Variants in PYROXD2 observed in about 807,000 individuals in gnomAD.
The protein encoded by PYROXD2 is pyridine nucleotide-disulfide oxidoreductase domain-containing protein 2.
Under a neutral mutation model 71.1 loss-of-function variants are expected in PYROXD2, and 69 were observed. The observed-to-expected ratio is 0.97, with a 90% CI of 0.80 to 1.19. PYROXD2 has a LOEUF of 1.19. Among genes scored for constraint, PYROXD2 ranks in the 50% most tolerant of loss-of-function variants. The pLI, the probability that PYROXD2 is intolerant of heterozygous loss-of-function variation, is 0.00. For missense variants in PYROXD2, 745 were observed against 748.9 expected (o/e 0.99, Z 0.06); for synonymous variants, 287 against 302.7 (o/e 0.95, Z 0.54).
Position 98,400,247 on chromosome 10 carries a change from A to G in PYROXD2, c.326T>C (p.Leu109Pro). The stretch of plus-strand genomic sequence containing the variant: ...GTAGGGGTTTCGAAGATGAAGCCTC[A>G]GCCCATGTTTCTGCAAAACACAAAT... The part of the protein sequence containing the change: ...YTDLELKKHG[L>P]RLHLRNPYSF... Residue 109 changes from leucine (L) to proline (P), a missense_variant, in exon 5 of 16, where the codon CTG (leucine) becomes CCG (proline). Coordinates refer to ENST00000370575, the MANE Select transcript of PYROXD2 (RefSeq NM_032709.3). The G allele has an allele frequency of 6.2e-7, 1 of 1,609,728 alleles. No homozygotes were observed. Among genetic ancestry groups the G allele is most frequent in the Non-Finnish European group, 8.5e-7 (1 of 1,177,292 alleles).
At chr10:98,407,175 A>G (rs993379338) in intron 4 of PYROXD2, among the ~76,000 whole-genome samples, 20 of 152,188 alleles carry the variant, frequency 1.3e-4, no homozygotes, top group Admixed American at 8.5e-4. Flanking sequence ...GGGAGCCAGA[A>G]AAGTCCCCAG....
chr10:98,385,525 C>G (rs558663764), intron 14 of PYROXD2, among the ~76,000 whole-genome samples: 1 of 152,336 alleles, frequency 6.6e-6, no homozygotes, highest in African/African-American at 2.4e-5. Flanking sequence ...CACGGTTCTG[C>G]CCCCCTGGCT....
intron 2 of PYROXD2, 140 bp from the exon 3 acceptor site, chr10:98,408,137 T>C: frequency 1.4e-6 from 1 of 690,740 alleles, no homozygotes. Flanking sequence ...CCGCTCATGC[T>C]GTTCCTGCCT....
intron 4 of PYROXD2, among the ~76,000 whole-genome samples, chr10:98,401,273 A>AAAAAC (rs149519972): frequency 0.21 from 24,524 of 117,238 alleles, 3,047 homozygotes; most frequent in South Asian, 0.3. Context: ...AAAACAAAAA[A>AAAAAC]AAACAAACAT....
chr10:98,414,863 G>A, intron 1 of PYROXD2, 146 bp downstream of exon 1: 3 of 1,242,114 alleles, frequency 2.4e-6, no homozygotes, highest in Non-Finnish European at 3.3e-6. Context: ...TTCCATTGCA[G>A]CCCCTGCTAG....
intron 4 of PYROXD2, among the ~76,000 whole-genome samples, chr10:98,403,561 A>G (rs1171146200): frequency 2.0e-5 from 3 of 151,958 alleles, no homozygotes; most frequent in Non-Finnish European, 4.4e-5. Context: ...CTCTGTCCAC[A>G]CTGACCTGCC....
At chr10:98,413,112 T>C (rs1337593791) in intron 1 of PYROXD2, among the ~76,000 whole-genome samples, 1 of 152,256 alleles carries the variant, frequency 6.6e-6, no homozygotes, top group Non-Finnish European at 1.5e-5. Context: ...TGTACATATC[T>C]GCATGGTGGA....
In PYROXD2 at chr10:98,385,086, A is replaced by G. The variant is rs756108504; in HGVS notation, c.1555-19T>C. The G allele has an allele frequency of 1.9e-6, 3 of 1,613,198 alleles. No individual in the cohort carries two copies. Among genetic ancestry groups the G allele is most frequent in the East Asian group, 2.2e-5 (1 of 44,856 alleles). ...ATATGTTCTGCAGAGGCAGGGCCACAGTCATCAGCACAGGAGAGTTACAGC... is the reference window on the plus strand; with the variant it reads ...ATATGTTCTGCAGAGGCAGGGCCACGGTCATCAGCACAGGAGAGTTACAGC... On this transcript the variant is annotated intron_variant, in intron 14 of 15. Coordinates refer to ENST00000370575, the MANE Select transcript of PYROXD2 (RefSeq NM_032709.3).
chr10:98,392,650 G>T lies in PYROXD2; in HGVS notation c.928-84C>A, dbSNP rs1842987033. 5 of 1,556,944 alleles carry T rather than the reference G, an allele frequency of 3.2e-6. No homozygotes were observed. The Admixed American group carries it at 5.6e-5, about 17-fold the overall frequency. On this transcript the variant is annotated intron_variant, in intron 9 of 15. Transcript: ENST00000370575. Reference sequence around the variant, plus strand: ...TTCCGGGATTTCCATGGTCTGTGCTGCTCCTAGGCATTCACAACTTCTTCA... The same window carrying T: ...TTCCGGGATTTCCATGGTCTGTGCTTCTCCTAGGCATTCACAACTTCTTCA...
At chr10:98,401,898 T>C (rs1843424840) in intron 4 of PYROXD2, among the ~76,000 whole-genome samples, 1 of 152,194 alleles carries the variant, frequency 6.6e-6, no homozygotes, top group Non-Finnish European at 1.5e-5. Flanking sequence ...TGACAGTGAA[T>C]TTTTTAAATA....
intron 1 of PYROXD2, 40 bp from the exon 2 acceptor site, chr10:98,410,998 C>T: frequency 6.4e-7 from 1 of 1,555,568 alleles, no homozygotes; most frequent in Non-Finnish European, 8.7e-7. Flanking sequence ...CATCACTGGT[C>T]AGCGGGCGGG....
At position 98,397,424 on chromosome 10, in the gene PYROXD2, C is replaced by G; in HGVS notation, c.546G>C (p.Val182=). The change falls in exon 6 of 16, where the codon GTG becomes GTC. Residue 182 remains valine (V), a synonymous_variant. Transcript: ENST00000370575. ...AIDPLLDAAP[V]DMAAFQHGSL... ...AGCCATGCTGGAAGGCCGCCATGTC[C>G]ACGGGGGCCGCATCCAGCAGAGGGT... is the stretch of plus-strand genomic sequence containing the variant. 1 of 1,613,536 alleles carries G rather than the reference C, an allele frequency of 6.2e-7. No homozygotes were observed. The highest frequency in any genetic ancestry group is 8.5e-7 in the Non-Finnish European group (1 of 1,179,654).
At chr10:98,384,014 A>C (rs1226928540) in intron 15 of PYROXD2, 146 bp from the exon 16 acceptor site, 2 of 698,652 alleles carry the variant, frequency 2.9e-6, no homozygotes. Context: ...ATCACCTAAG[A>C]CAGCCGCTCA....
rs921991810 is a variant in PYROXD2 at position 98,400,174 on chromosome 10, C to T, written c.399G>A (p.Arg133=). 1.9e-6 allele frequency: 3 copies of T among 1,613,670 alleles called. No individual in the cohort carries two copies. Among genetic ancestry groups the T allele is most frequent in the Admixed American group, 3.3e-5 (2 of 59,948 alleles). ...LEEGAGSKVP[R]CLLLGTDMAE... The stretch of plus-strand genomic sequence containing the variant: ...CCATGTCTGTGCCCAGCAGAAGGCA[C>T]CTGGGCACCTTGCTGCCTGCACCCT... The change falls in exon 5 of 16, where the codon AGG becomes AGA. Residue 133 remains arginine, a synonymous_variant. Coordinates refer to ENST00000370575, the MANE Select transcript of PYROXD2 (RefSeq NM_032709.3).
chr10:98,414,751 C>T (rs1843930463), intron 1 of PYROXD2: 2 of 463,280 alleles, frequency 4.3e-6, no homozygotes, highest in African/African-American at 2.0e-5. Context: ...CTGTCATTCT[C>T]CATGGGAAGA....
chr10:98,392,856 T>C (rs1842992871), intron 9 of PYROXD2, 86 bp downstream of exon 9: 5 of 1,472,096 alleles, frequency 3.4e-6, no homozygotes, highest in East Asian at 2.3e-5. Flanking sequence ...TGTTCATTGG[T>C]AAAACAAGGG....
intron 8 of PYROXD2, among the ~76,000 whole-genome samples, chr10:98,394,426 G>A (rs77825190): frequency 0.014 from 2,133 of 152,168 alleles, 53 homozygotes; most frequent in African/African-American, 0.048. Context: ...AACCACTTCC[G>A]AGGGTGTGCT....
chr10:98,391,043 G>T lies in PYROXD2; in HGVS notation c.1102C>A (p.Leu368Met). 6.2e-7 allele frequency: 1 copy of T among 1,613,316 alleles called. No homozygotes were observed. Among genetic ancestry groups the T allele is most frequent in the Non-Finnish European group, 8.5e-7 (1 of 1,179,412 alleles). ...PEEFLERISQLDTRSPVTKIN... is the reference protein window; with the variant it reads ...PEEFLERISQMDTRSPVTKIN... Reference sequence around the variant, plus strand: ...TTGGTGACAGGCGACCGGGTGTCCAGCTGAGAGATTCTCTCCAGGAACTCC... The same window carrying T: ...TTGGTGACAGGCGACCGGGTGTCCATCTGAGAGATTCTCTCCAGGAACTCC... The change falls in exon 11 of 16, where the codon CTG becomes ATG. Residue 368 changes from leucine to methionine, a missense_variant. Transcript: ENST00000370575.
chr10:98,395,935 T>A (rs1425835084), intron 6 of PYROXD2, among the ~76,000 whole-genome samples: 2 of 152,266 alleles, frequency 1.3e-5, no homozygotes, highest in East Asian at 3.9e-4. Context: ...GCCTTCAGGG[T>A]AGAAATCATG....
Sources: gnomAD v4.1 joint callset for allele counts (sites outside exome capture counted in the v4.1 genomes callset) on GRCh38, gnomAD v4.1.1 for gene constraint, MANE v1.5 for transcripts, NCBI Gene and HGNC (gene_info 2026-07-23, HGNC 2026-07-21) for gene names.